Variants in KIF13A observed in about 807,000 individuals in gnomAD.
The protein encoded by KIF13A is kinesin-like protein KIF13A.
Under a neutral mutation model 212.2 loss-of-function variants are expected in KIF13A, and 79 were observed. The observed-to-expected ratio is 0.37, with a 90% CI of 0.31 to 0.45. The LOEUF (loss-of-function observed/expected upper bound fraction) is 0.45. KIF13A is among the 20% of genes least tolerant of loss of function. The pLI, the probability that KIF13A is intolerant of heterozygous loss-of-function variation, is 1.00. For synonymous variants in KIF13A, 789 were observed against 808.6 expected, an observed-to-expected ratio of 0.98 and a Z score of 0.41; for missense variants, 1,901 against 2,209.0, an observed-to-expected ratio of 0.86 and a Z score of 2.79.
At position 17,850,072 on chromosome 6, in the gene KIF13A, C is replaced by T. The variant is rs1159137554; in HGVS notation, c.717+251G>A. ...GAACTTCTGCCCTCAAGCAATCCTC[C>T]CGCCTCAGACTCCCAAAATGCTGGA... On this transcript the variant is annotated intron_variant, in intron 8 of 38. Transcript: ENST00000259711. The surrounding 1 kb of genome is among the most constrained non-coding windows in gnomAD (Gnocchi z 6.2). 6.6e-6 allele frequency among the ~76,000 whole-genome samples: 1 copy of T among 152,136 alleles called. No homozygotes were observed. The highest frequency in any genetic ancestry group is 1.9e-4 in the East Asian group (1 of 5,196).
intron 4 of KIF13A, among the ~76,000 whole-genome samples, chr6:17,867,314 AAAAC>A (rs1162836070): frequency 1.3e-5 from 2 of 152,218 alleles, no homozygotes; most frequent in Non-Finnish European, 2.9e-5. Flanking sequence ...CCATAAAAGA[AAAAC>A]AAAAATCTGG....
intron 2 of KIF13A, among the ~76,000 whole-genome samples, chr6:17,953,071 T>C (rs1353781061): frequency 6.6e-6 from 1 of 151,940 alleles, no homozygotes; most frequent in African/African-American, 2.4e-5. Flanking sequence ...CAGTGAAAAA[T>C]TGGAAACACT....
intron 28 of KIF13A, among the ~76,000 whole-genome samples, chr6:17,784,431 A>T (rs1760872339): frequency 6.6e-6 from 1 of 152,044 alleles, no homozygotes; most frequent in South Asian, 2.1e-4. Context: ...AAAAACAAAA[A>T]ACAAACAAAA....
In KIF13A at chr6:17,789,842, A is replaced by G; in HGVS notation, c.3261+30T>C. 1.3e-6 allele frequency: 2 copies of G among 1,594,242 alleles called. No individual in the cohort carries two copies. The highest frequency in any genetic ancestry group is 1.7e-6 in the Non-Finnish European group (2 of 1,163,172). Reference sequence around the variant, plus strand: ...TGGCAATTAGCAGTAGCTGTGCCCCATGCCACAGGATTGACAGCAGTAGCA... The same window carrying G: ...TGGCAATTAGCAGTAGCTGTGCCCCGTGCCACAGGATTGACAGCAGTAGCA... On this transcript the variant is annotated intron_variant, in intron 26 of 38. Transcript: ENST00000259711. This position sits in a 1 kb window ranked among gnomAD's most constrained non-coding sequence, Gnocchi z 4.8.
chr6:17,815,376 C>T (rs1261413325), intron 17 of KIF13A, among the ~76,000 whole-genome samples: 45 of 152,172 alleles, frequency 3.0e-4, no homozygotes, highest in Non-Finnish European at 8.8e-5. Context: ...GCAGAGTCTT[C>T]TCTAACTCCC....
chr6:17,875,443 G>GT (rs1248982290), intron 3 of KIF13A, among the ~76,000 whole-genome samples: 28 of 146,922 alleles, frequency 1.9e-4, no homozygotes, highest in Admixed American at 1.8e-3. Flanking sequence ...TCAAACTGCT[G>GT]TTTTTTCTTT....
rs1781655493 is a variant in KIF13A, at chr6:17,987,247, G to A, written c.56-103C>T. The stretch of plus-strand genomic sequence containing the variant: ...CGGGGCTCCGTCCCTGGAGGCGGCC[G>A]AGCCTGGAGACGGCGCCCCGGGCAC... On this transcript the variant is annotated intron_variant, in intron 1 of 38. Coordinates refer to ENST00000259711, the MANE Select transcript of KIF13A (RefSeq NM_022113.6). This position sits in a 1 kb window ranked among gnomAD's most constrained non-coding sequence, Gnocchi z 7.7. 1 of 979,368 alleles carries A rather than the reference G, an allele frequency of 1.0e-6. No homozygotes were observed. Among genetic ancestry groups the A allele is most frequent in the Non-Finnish European group, 1.3e-6 (1 of 740,872 alleles). 60.7% of individuals were successfully genotyped at this position (979,368 alleles called of 1,614,324 possible).
At chr6:17,874,993 G>GCACACACACA (rs770255576) in intron 3 of KIF13A, among the ~76,000 whole-genome samples, 1 of 51,410 alleles carries the variant, frequency 1.9e-5, no homozygotes, top group Non-Finnish European at 3.9e-5. Context: ...ACACACACAC[G>GCACACACACA]CACACGCACG....
chr6:17,803,214 G>T (rs1052920815), intron 20 of KIF13A, among the ~76,000 whole-genome samples: 3 of 152,104 alleles, frequency 2.0e-5, no homozygotes, highest in Non-Finnish European at 4.4e-5. Flanking sequence ...GATTACAGGC[G>T]TGAGCCACTG....
chr6:17,833,404 G>C (rs969856679), intron 12 of KIF13A, among the ~76,000 whole-genome samples: 1 of 151,294 alleles, frequency 6.6e-6, no homozygotes, highest in Non-Finnish European at 1.5e-5. Flanking sequence ...ACTGAGGGAG[G>C]AGAATCACTT....
rs1312324804 is a variant in KIF13A, at chr6:17,838,357, AAAG to A, written c.831-777_831-775del. 2.0e-5 allele frequency among the ~76,000 whole-genome samples: 3 copies of A among 152,300 alleles called. No individual in the cohort carries two copies. The highest frequency in any genetic ancestry group is 4.1e-4 in the South Asian group (2 of 4,826). On this transcript the variant is annotated intron_variant, in intron 9 of 38. Transcript: ENST00000259711. This position sits in a 1 kb window ranked among gnomAD's most constrained non-coding sequence, Gnocchi z 4.2. ...AAAGTTAAATGCTACTACAAATAACAAAGAAGGACACAAACTAGCAAGTGAAAG... is the reference window on the plus strand; with the variant it reads ...AAAGTTAAATGCTACTACAAATAACAAAGGACACAAACTAGCAAGTGAAAG...
At position 17,769,547 on chromosome 6, in the gene KIF13A, G is replaced by A. The variant is rs1314010395; in HGVS notation, c.4581+1567C>T. 1.3e-5 allele frequency among the ~76,000 whole-genome samples: 2 copies of A among 152,144 alleles called. No individual in the cohort carries two copies. The highest frequency in any genetic ancestry group is 4.8e-5 in the African/African-American group (2 of 41,436). On this transcript the variant is annotated intron_variant, in intron 38 of 38. Transcript: ENST00000259711. This position sits in a 1 kb window ranked among gnomAD's most constrained non-coding sequence, Gnocchi z 5.8. The stretch of plus-strand genomic sequence containing the variant: ...GGGTTTTATTTTAAAATATTAAAGA[G>A]AAAGTGAAGAAAACACGAGCCTAGC...
At chr6:17,905,581 T>C (rs1322726500) in intron 2 of KIF13A, among the ~76,000 whole-genome samples, 1 of 152,168 alleles carries the variant, frequency 6.6e-6, no homozygotes, top group Non-Finnish European at 1.5e-5. Flanking sequence ...CACAAAACAA[T>C]ATAAAGTGCA....
At chr6:17,881,603 A>T (rs1771072658) in intron 3 of KIF13A, 1 of 367,280 alleles carries the variant, frequency 2.7e-6, no homozygotes, top group Non-Finnish European at 5.3e-6. Context: ...AGGCTGAGGC[A>T]GGAGAATCAC....
intron 2 of KIF13A, among the ~76,000 whole-genome samples, chr6:17,986,460 T>C (rs1191665815): frequency 6.6e-6 from 1 of 152,200 alleles, no homozygotes; most frequent in East Asian, 1.9e-4. Context: ...GGGCCCTACT[T>C]TTGTTTCTTT....
At position 17,837,959 on chromosome 6, in the gene KIF13A, A is replaced by C. The variant is rs1254381902; in HGVS notation, c.831-376T>G. On this transcript the variant is annotated intron_variant, in intron 9 of 38. Transcript: ENST00000259711. The surrounding 1 kb of genome is among the most constrained non-coding windows in gnomAD (Gnocchi z 5.4). ...CAGAGTGAGACTCTTTCAAAAAAAC[A>C]AAAACAAAGAAACCCCAAAAAACCA... 7.1e-6 allele frequency among the ~76,000 whole-genome samples: 1 copy of C among 141,800 alleles called. No homozygotes were observed. The highest frequency in any genetic ancestry group is 1.6e-5 in the Non-Finnish European group (1 of 63,432). The allele number at this position is 141,800 out of a possible 152,430, so 93.0% of individuals were successfully genotyped here.
chr6:17,963,234 A>G lies in KIF13A; in HGVS notation c.146+23820T>C, dbSNP rs980162420. 2.0e-5 allele frequency among the ~76,000 whole-genome samples: 3 copies of G among 152,154 alleles called. No homozygotes were observed. Among genetic ancestry groups the G allele is most frequent in the Non-Finnish European group, 4.4e-5 (3 of 68,036 alleles). ...GGAGTTCAAGACCAGCCTGGCCAACATGGCGAAGCTCCGTCTCTACTAAAA... is the reference window on the plus strand; with the variant it reads ...GGAGTTCAAGACCAGCCTGGCCAACGTGGCGAAGCTCCGTCTCTACTAAAA... On this transcript the variant is annotated intron_variant, in intron 2 of 38. Transcript: ENST00000259711. This position sits in a 1 kb window ranked among gnomAD's most constrained non-coding sequence, Gnocchi z 4.1.
In KIF13A at chr6:17,811,724, A is replaced by T. The variant is rs949700195; in HGVS notation, c.2001-2794T>A. ...AATTAATGACATCTTACTTTTATCC[A>T]GTGAAACCTGACAAAATCAATAATG... is the stretch of plus-strand genomic sequence containing the variant. On this transcript the variant is annotated intron_variant, in intron 17 of 38. Coordinates refer to ENST00000259711, the MANE Select transcript of KIF13A (RefSeq NM_022113.6). This position sits in a 1 kb window ranked among gnomAD's most constrained non-coding sequence, Gnocchi z 6.0. Among the ~76,000 whole-genome samples, 1 of 152,230 alleles carries T rather than the reference A, an allele frequency of 6.6e-6. No individual in the cohort carries two copies. The highest frequency in any genetic ancestry group is 1.5e-5 in the Non-Finnish European group (1 of 68,044).
At chr6:17,906,934 G>T (rs1773554410) in intron 2 of KIF13A, among the ~76,000 whole-genome samples, 1 of 152,170 alleles carries the variant, frequency 6.6e-6, no homozygotes, top group South Asian at 2.1e-4. Context: ...GAATAAAGAT[G>T]CAGAGGTGCT....
Sources: gnomAD v4.1 joint callset for allele counts (sites outside exome capture counted in the v4.1 genomes callset) on GRCh38, gnomAD v4.1.1 for gene constraint, Gnocchi (gnomAD v3.1) non-coding constraint, MANE v1.5 for transcripts, NCBI Gene and HGNC (gene_info 2026-07-23, HGNC 2026-07-21) for gene names.